The following CDC14A variants were observed in gnomAD, a reference collection of about 807,000 sequenced individuals.
CDC14A encodes the protein dual specificity protein phosphatase CDC14A.
In CDC14A, 53 loss-of-function variants were observed where a neutral mutation model predicts 74.4. That is an observed-to-expected ratio of 0.71 (90% confidence interval 0.57 to 0.89). CDC14A has a LOEUF of 0.89. Ranked by LOEUF, CDC14A falls within the 40% of genes least tolerant of loss-of-function variation. CDC14A has a pLI of 0.00. For synonymous variants in CDC14A, 247 were observed against 258.4 expected (o/e 0.96, Z 0.43); for missense variants, 646 against 713.7 (o/e 0.91, Z 1.08).
chr1:100,392,877 A>T (rs529995065), intron 4 of CDC14A, among the ~76,000 whole-genome samples: 2 of 152,338 alleles, frequency 1.3e-5, no homozygotes, highest in East Asian at 3.9e-4. Context: ...CTGTTGAGAT[A>T]TACAAATAGA....
At chr1:100,364,483 A>G (rs1441420815) in intron 2 of CDC14A, among the ~76,000 whole-genome samples, 1 of 140,412 alleles carries the variant, frequency 7.1e-6, no homozygotes, top group African/African-American at 3.0e-5. Flanking sequence ...AAGTGCTGGG[A>G]TTACAGGCGG....
intron 5 of CDC14A, among the ~76,000 whole-genome samples, chr1:100,427,026 G>A (rs1470410404): frequency 3.3e-5 from 5 of 152,000 alleles, no homozygotes; most frequent in Non-Finnish European, 7.4e-5. Flanking sequence ...TACAGTTCAG[G>A]CCAACTAAGA....
At chr1:100,370,852 C>T (rs1344215369) in intron 2 of CDC14A, among the ~76,000 whole-genome samples, 2 of 151,952 alleles carry the variant, frequency 1.3e-5, no homozygotes, top group Admixed American at 6.6e-5. Flanking sequence ...AAAAATGATA[C>T]TGGTAGTGTA....
At chr1:100,488,262 C>T (rs1670249281) in intron 11 of CDC14A, among the ~76,000 whole-genome samples, 1 of 152,154 alleles carries the variant, frequency 6.6e-6, no homozygotes, top group African/African-American at 2.4e-5. Flanking sequence ...TTAATGAACT[C>T]TATTAATCCT....
intron 3 of CDC14A, among the ~76,000 whole-genome samples, chr1:100,378,236 CT>C (rs968443642): frequency 4.6e-5 from 7 of 151,244 alleles, no homozygotes; most frequent in East Asian, 1.9e-4. Flanking sequence ...TGGCATGTGG[CT>C]TTTTTTTTCT....
chr1:100,485,071 G>T (rs1460936917), intron 11 of CDC14A: 5 of 985,214 alleles, frequency 5.1e-6, no homozygotes, highest in Middle Eastern at 5.2e-4. Flanking sequence ...CCAAGCTTGT[G>T]TTTTTTTATA....
intron 4 of CDC14A, among the ~76,000 whole-genome samples, chr1:100,418,835 G>C (rs1487643223): frequency 2.0e-5 from 3 of 152,100 alleles, no homozygotes; most frequent in Non-Finnish European, 4.4e-5. Context: ...CTCCGTCTTT[G>C]CTCCCCAAAT....
At position 100,424,262 on chromosome 1, in the gene CDC14A, C is replaced by CACT; in HGVS notation, c.351_353dup (p.Leu119dup). 1.2e-6 allele frequency: 2 copies of CACT among 1,613,464 alleles called. No homozygotes were observed. Among genetic ancestry groups the CACT allele is most frequent in the South Asian group, 2.2e-5 (2 of 91,074 alleles). ...AAGACACCAGAAGAAGCCTACAGAGCACTCCTGTCTGGCTCAAACCCCCCC... is the reference window on the plus strand; with the variant it reads ...AAGACACCAGAAGAAGCCTACAGAGCACTACTCCTGTCTGGCTCAAACCCCCCC... On this transcript the variant is annotated inframe_insertion, in exon 5 of 16. Coordinates refer to ENST00000336454, the MANE Select transcript of CDC14A (RefSeq NM_003672.4).
intron 5 of CDC14A, among the ~76,000 whole-genome samples, chr1:100,429,234 T>TAAATAAATAAATAAATAAATAAAC (rs60569646): frequency 5.8e-4 from 85 of 146,500 alleles, no homozygotes; most frequent in African/African-American, 2.1e-3. Flanking sequence ...AATAAATAAA[T>TAAATAAATAAATAAATAAATAAAC]ATAAAATAAA....
At chr1:100,497,168 G>T (rs1389099441) in intron 13 of CDC14A, among the ~76,000 whole-genome samples, 7 of 152,202 alleles carry the variant, frequency 4.6e-5, no homozygotes, top group Non-Finnish European at 5.9e-5. Context: ...CTCAGAGAAG[G>T]CTTGCTTGAT....
chr1:100,489,441 C>G (rs1670390751), intron 11 of CDC14A, among the ~76,000 whole-genome samples: 1 of 152,078 alleles, frequency 6.6e-6, no homozygotes, highest in Admixed American at 6.5e-5. Flanking sequence ...TACTGTGCCA[C>G]GATTTTGTTT....
chr1:100,420,059 C>CATATATATATATATATATAT (rs1324396801), intron 4 of CDC14A, among the ~76,000 whole-genome samples: 2 of 24,310 alleles, frequency 8.2e-5, no homozygotes, highest in Non-Finnish European at 1.5e-4. Flanking sequence ...CACACACACA[C>CATATATATATATATATATAT]ACACATATAT....
Position 100,462,757 on chromosome 1 carries a change from A to G in CDC14A, c.714A>G (p.Thr238=). Residue 238 remains threonine (T), a synonymous_variant, in exon 9 of 16, where the codon ACA becomes ACG. Transcript: ENST00000336454. Reference sequence around the variant, plus strand: ...AGATTTATGAGGCAAAGCGCTTCACAGACGCTGGCTTCGAGCACTATGACC... The same window carrying G: ...AGATTTATGAGGCAAAGCGCTTCACGGACGCTGGCTTCGAGCACTATGACC... The part of the protein sequence containing the change: ...NKKIYEAKRF[T]DAGFEHYDLF... 1.2e-6 allele frequency: 2 copies of G among 1,614,180 alleles called. No individual in the cohort carries two copies. Among genetic ancestry groups the G allele is most frequent in the African/African-American group, 1.3e-5 (1 of 75,062 alleles).
intron 8 of CDC14A, among the ~76,000 whole-genome samples, chr1:100,457,118 G>A (rs535078629): frequency 7.6e-4 from 116 of 152,276 alleles, no homozygotes; most frequent in Admixed American, 1.3e-3. Flanking sequence ...TTGTTGTTGG[G>A]TATTTGGCAA....
Position 100,390,778 on chromosome 1 carries a change from A to G in CDC14A, c.263A>G (p.Asp88Gly), listed in dbSNP as rs748056301. The change falls in exon 4 of 16, where the codon GAC (aspartate) becomes GGC (glycine). Residue 88 changes from aspartate to glycine, a missense_variant. Asp to Gly is a moderately conservative substitution (Grantham distance 94, BLOSUM62 -1). Coordinates refer to ENST00000336454, the MANE Select transcript of CDC14A (RefSeq NM_003672.4). ...RKKIVHYTCFDQRKRANAAFL... is the reference protein window; with the variant it reads ...RKKIVHYTCFGQRKRANAAFL... ...AAAATAGTGCACTACACCTGTTTTG[A>G]CCAACGGAAAAGAGCAAATGCAGCA... The G allele has an allele frequency of 6.8e-6, 11 of 1,613,216 alleles. No homozygotes were observed. The highest frequency in any genetic ancestry group is 1.6e-4 in the Middle Eastern group (1 of 6,074).
chr1:100,393,691 C>T, intron 4 of CDC14A: 2 of 440,314 alleles, frequency 4.5e-6, no homozygotes, highest in South Asian at 3.7e-5. Context: ...AGCGGTGGCA[C>T]ACGACTGTAA....
intron 9 of CDC14A, among the ~76,000 whole-genome samples, chr1:100,464,607 T>G (rs1384063251): frequency 1.3e-5 from 2 of 152,266 alleles, no homozygotes; most frequent in Non-Finnish European, 2.9e-5. Flanking sequence ...ATAAAAATTG[T>G]ATTTTTTCCT....
intron 4 of CDC14A, among the ~76,000 whole-genome samples, chr1:100,397,155 G>GAT (rs1289908089): frequency 6.6e-6 from 1 of 151,694 alleles, no homozygotes; most frequent in Non-Finnish European, 1.5e-5. Context: ...CCCTGATATA[G>GAT]ACCATCATGT....
chr1:100,435,691 T>C (rs1483962220), intron 5 of CDC14A, among the ~76,000 whole-genome samples: 1 of 151,792 alleles, frequency 6.6e-6, no homozygotes, highest in Non-Finnish European at 1.5e-5. Flanking sequence ...TAGCCAGGCA[T>C]GGTGGCAGGC....
Sources: allele counts gnomAD v4.1 joint callset (sites outside exome capture counted in the v4.1 genomes callset), GRCh38; gene constraint gnomAD v4.1.1; transcripts MANE v1.5; gene names NCBI Gene and HGNC (gene_info 2026-07-23, HGNC 2026-07-21).